Variants in PPP1R9A observed in about 807,000 individuals in gnomAD.
The protein encoded by PPP1R9A is protein phosphatase 1 regulatory subunit 9A.
A neutral mutation model predicts 141.9 loss-of-function variants in PPP1R9A; 59 were observed. The observed-to-expected ratio is 0.42, with a 90% CI of 0.34 to 0.52. The LOEUF (loss-of-function observed/expected upper bound fraction) is 0.52, where lower values mean the gene tolerates loss of function less well. Ranked by LOEUF, PPP1R9A falls within the 20% of genes least tolerant of loss-of-function variation. PPP1R9A has a pLI of 0.10. For synonymous variants in PPP1R9A, 500 were observed against 569.7 expected, an observed-to-expected ratio of 0.88 and a Z score of 1.74; for missense variants, 1,444 against 1,611.9, an observed-to-expected ratio of 0.90 and a Z score of 1.78.
At chr7:95,119,525 G>A (rs915235783) in intron 3 of PPP1R9A, among the ~76,000 whole-genome samples, 2 of 152,120 alleles carry the variant, frequency 1.3e-5, no homozygotes, top group African/African-American at 2.4e-5. Flanking sequence ...CATGATCTCA[G>A]CTCACTGCAA....
At chr7:95,032,750 A>G (rs1415278493) in intron 2 of PPP1R9A, among the ~76,000 whole-genome samples, 1 of 152,180 alleles carries the variant, frequency 6.6e-6, no homozygotes, top group African/African-American at 2.4e-5. Flanking sequence ...ACAGTCTGCT[A>G]TATTACAAAA....
intron 2 of PPP1R9A, among the ~76,000 whole-genome samples, chr7:94,934,169 AT>A (rs954150262): frequency 2.0e-5 from 3 of 152,170 alleles, no homozygotes; most frequent in African/African-American, 7.2e-5. Context: ...TGAATGTAGA[AT>A]TTTGTTTGGG....
At chr7:95,217,661 A>G (rs367954770) in intron 7 of PPP1R9A, among the ~76,000 whole-genome samples, 1 of 151,960 alleles carries the variant, frequency 6.6e-6, no homozygotes, top group Non-Finnish European at 1.5e-5. Context: ...TGTTATTGGT[A>G]TATTCAGAGA....
At chr7:95,011,661 C>T (rs1804436662) in intron 2 of PPP1R9A, among the ~76,000 whole-genome samples, 1 of 152,116 alleles carries the variant, frequency 6.6e-6, no homozygotes, top group African/African-American at 2.4e-5. Flanking sequence ...AGTTGAAATT[C>T]TTCATGGTTG....
chr7:95,187,295 T>G (rs929501050), intron 5 of PPP1R9A, among the ~76,000 whole-genome samples: 1 of 152,148 alleles, frequency 6.6e-6, no homozygotes. Context: ...TTTTCTAGAT[T>G]CATGCATAAA....
chr7:95,159,068 A>G (rs563376756), intron 4 of PPP1R9A, among the ~76,000 whole-genome samples: 1 of 152,344 alleles, frequency 6.6e-6, no homozygotes, highest in East Asian at 1.9e-4. Context: ...ATTCATGTGC[A>G]TAAGGAGGCA....
chr7:94,913,020 T>C (rs757871063), intron 2 of PPP1R9A, among the ~76,000 whole-genome samples: 14 of 152,206 alleles, frequency 9.2e-5, no homozygotes, highest in Non-Finnish European at 1.6e-4. Flanking sequence ...TTCTACCCTT[T>C]AGGAAGAAAG....
At chr7:95,098,816 C>G (rs35469835) in intron 2 of PPP1R9A, among the ~76,000 whole-genome samples, 12,162 of 152,204 alleles carry the variant, frequency 0.08, 628 homozygotes, top group East Asian at 0.17. Flanking sequence ...TTTCATGATA[C>G]TCTTTACCCC....
chr7:95,065,649 A>G (rs1302634412), intron 2 of PPP1R9A, among the ~76,000 whole-genome samples: 1 of 152,184 alleles, frequency 6.6e-6, no homozygotes, highest in Non-Finnish European at 1.5e-5. Flanking sequence ...TTCAAGAAAC[A>G]TCCATCTTCT....
chr7:95,110,235 A>G (rs1820313562), intron 2 of PPP1R9A, among the ~76,000 whole-genome samples: 1 of 152,216 alleles, frequency 6.6e-6, no homozygotes, highest in Non-Finnish European at 1.5e-5. Flanking sequence ...AAGTGTCCAT[A>G]GAACAGCAGG....
intron 2 of PPP1R9A, among the ~76,000 whole-genome samples, chr7:95,109,580 C>T (rs1820173465): frequency 6.6e-6 from 1 of 152,168 alleles, no homozygotes; most frequent in African/African-American, 2.4e-5. Context: ...GTAGCTTAAG[C>T]TGGTAATCCC....
At chr7:95,039,929 A>G (rs1319862862) in intron 2 of PPP1R9A, among the ~76,000 whole-genome samples, 4 of 152,192 alleles carry the variant, frequency 2.6e-5, no homozygotes, top group East Asian at 1.9e-4. Flanking sequence ...ACCAGGTAGC[A>G]TAAATATCAA....
Position 95,293,490 on chromosome 7 carries a change from A to G in PPP1R9A, c.*3187A>G, listed in dbSNP as rs1806640810. On this transcript the variant is annotated 3_prime_UTR_variant, in exon 20 of 20. Coordinates refer to ENST00000433360, the MANE Select transcript of PPP1R9A (RefSeq NM_001166160.2). ...TCACAAGCTTTTTTTAACCCACAGC[A>G]GTTCATGATTGCAGTATGATAGGTA... The G allele has an allele frequency of 1.3e-5, 2 of 152,168 alleles. No homozygotes were observed. Among genetic ancestry groups the G allele is most frequent in the Non-Finnish European group, 1.5e-5 (1 of 68,034 alleles). The allele number at this position is 152,168 out of a possible 1,614,324, so 9.4% of individuals were successfully genotyped here. A position where few individuals can be genotyped will look rare whatever the true frequency, so the allele number is the denominator to read the frequency against.
chr7:94,971,256 T>C (rs1159359665), intron 2 of PPP1R9A, among the ~76,000 whole-genome samples: 1 of 152,208 alleles, frequency 6.6e-6, no homozygotes, highest in Non-Finnish European at 1.5e-5. Flanking sequence ...GATTTCTTGG[T>C]AGAAATCACA....
chr7:95,138,646 G>A (rs1338352512), intron 4 of PPP1R9A, among the ~76,000 whole-genome samples: 1 of 152,036 alleles, frequency 6.6e-6, no homozygotes, highest in Non-Finnish European at 1.5e-5. Flanking sequence ...AGAATATGAA[G>A]AACACTAATA....
At chr7:95,185,650 A>G (rs187394476) in intron 5 of PPP1R9A, among the ~76,000 whole-genome samples, 193 of 152,166 alleles carry the variant, frequency 1.3e-3, no homozygotes, top group African/African-American at 4.2e-3. Context: ...TAGAATTTTT[A>G]TGGTTTCAGA....
intron 3 of PPP1R9A, among the ~76,000 whole-genome samples, chr7:95,113,570 A>C (rs1443810307): frequency 6.6e-6 from 1 of 152,240 alleles, no homozygotes. Flanking sequence ...TTGCAAAGGC[A>C]AAATAATTAG....
chr7:95,231,839 G>A (rs1000511164), intron 8 of PPP1R9A, among the ~76,000 whole-genome samples: 2 of 151,926 alleles, frequency 1.3e-5, no homozygotes, highest in South Asian at 2.1e-4. Flanking sequence ...CAGAACTGAA[G>A]AAACAAGAAC....
At chr7:94,930,803 A>C (rs1290274732) in intron 2 of PPP1R9A, among the ~76,000 whole-genome samples, 1 of 152,194 alleles carries the variant, frequency 6.6e-6, no homozygotes, top group Non-Finnish European at 1.5e-5. Context: ...ATTTCTGGTA[A>C]AGTAGGTTAA....
Sources: gnomAD v4.1 joint callset for allele counts (sites outside exome capture counted in the v4.1 genomes callset) on GRCh38, gnomAD v4.1.1 for gene constraint, MANE v1.5 for transcripts, NCBI Gene and HGNC (gene_info 2026-07-23, HGNC 2026-07-21) for gene names.